ADAMTS6: variants seen among roughly 807,000 people sequenced by gnomAD.
ADAMTS6 encodes ADAM metallopeptidase with thrombospondin type 1 motif 6, also known as A disintegrin and metalloproteinase with thrombospondin motifs 6.
ADAMTS6 carries 23 observed loss-of-function variants against 144.3 expected under a neutral mutation model. That is an observed-to-expected ratio of 0.16 (90% CI 0.11 to 0.23). ADAMTS6 has a LOEUF of 0.23. Among genes scored for constraint, ADAMTS6 ranks in the 10% least tolerant of loss-of-function variants. The pLI is 1.00. For missense variants in ADAMTS6, 999 were observed against 1,379.6 expected (o/e 0.72, Z 4.37); for synonymous variants, 444 against 457.5 (o/e 0.97, Z 0.38).
intron 7 of ADAMTS6, among the ~76,000 whole-genome samples, chr5:65,347,338 A>G (rs1352560131): frequency 1.3e-5 from 2 of 152,076 alleles, no homozygotes; most frequent in Non-Finnish European, 2.9e-5. Flanking sequence ...AGAGCCCAGA[A>G]ATAAATCTGT....
intron 3 of ADAMTS6, among the ~76,000 whole-genome samples, chr5:65,464,132 T>C (rs1000750201): frequency 3.3e-5 from 5 of 152,240 alleles, no homozygotes; most frequent in Non-Finnish European, 5.9e-5. Context: ...GATTTCAATA[T>C]CTTCTTACAT....
chr5:65,456,203 T>C (rs1044982487), intron 4 of ADAMTS6, among the ~76,000 whole-genome samples: 7 of 152,072 alleles, frequency 4.6e-5, no homozygotes, highest in Non-Finnish European at 1.0e-4. Flanking sequence ...ACTACTATCT[T>C]TCTTAGTCTA....
At chr5:65,158,644 C>A (rs1752568845) in intron 24 of ADAMTS6, among the ~76,000 whole-genome samples, 1 of 152,164 alleles carries the variant, frequency 6.6e-6, no homozygotes, top group East Asian at 1.9e-4. Context: ...AGTAGTATTG[C>A]AAATGTACTG....
chr5:65,268,637 T>C (rs928724793), intron 12 of ADAMTS6, among the ~76,000 whole-genome samples: 5 of 152,194 alleles, frequency 3.3e-5, no homozygotes, highest in Non-Finnish European at 7.3e-5. Flanking sequence ...TATTCAATCC[T>C]TGAATGGCTT....
At chr5:65,364,293 C>T (rs1205452510) in intron 7 of ADAMTS6, among the ~76,000 whole-genome samples, 2 of 152,154 alleles carry the variant, frequency 1.3e-5, no homozygotes, top group African/African-American at 2.4e-5. Context: ...AAAAGATTCT[C>T]TCTGGGAAAA....
At chr5:65,260,786 T>C in intron 13 of ADAMTS6, 123 bp from the exon 14 acceptor site, 2 of 643,754 alleles carry the variant, frequency 3.1e-6, no homozygotes, top group Non-Finnish European at 5.1e-6. Context: ...TGACATGTTT[T>C]AATTATTAAA....
At chr5:65,291,510 T>C (rs1343088820) in intron 10 of ADAMTS6, 40 bp from the exon 11 acceptor site, 22 of 1,555,480 alleles carry the variant, frequency 1.4e-5, no homozygotes, top group Non-Finnish European at 1.7e-5. Flanking sequence ...AGGTATTCTA[T>C]GGGCTATTTT....
chr5:65,323,835 T>C (rs1451633278), intron 9 of ADAMTS6, among the ~76,000 whole-genome samples: 1 of 152,228 alleles, frequency 6.6e-6, no homozygotes, highest in Non-Finnish European at 1.5e-5. Flanking sequence ...TGGTATCTCA[T>C]TGTGGTTTTG....
chr5:65,460,440 C>A (rs1012654012), intron 3 of ADAMTS6, 102 bp from the exon 4 acceptor site: 4 of 1,103,610 alleles, frequency 3.6e-6, no homozygotes, highest in Non-Finnish European at 5.1e-6. Flanking sequence ...TCTCCATTTA[C>A]AGGGTTAAAA....
At chr5:65,407,654 CA>C (rs990655637) in intron 7 of ADAMTS6, among the ~76,000 whole-genome samples, 2 of 151,924 alleles carry the variant, frequency 1.3e-5, no homozygotes, top group African/African-American at 4.8e-5. Flanking sequence ...CATGTCCCTA[CA>C]AAGGACATGA....
intron 7 of ADAMTS6, among the ~76,000 whole-genome samples, chr5:65,383,730 T>C (rs143367340): frequency 6.6e-6 from 1 of 152,214 alleles, no homozygotes; most frequent in African/African-American, 2.4e-5. Context: ...CCACTGGTCA[T>C]TGCCCTAGTG....
intron 13 of ADAMTS6, 126 bp downstream of exon 13, chr5:65,262,691 G>A: frequency 8.7e-7 from 1 of 1,153,174 alleles, no homozygotes. Context: ...TGTGCCTATG[G>A]CTTGTTCTGA....
intron 7 of ADAMTS6, among the ~76,000 whole-genome samples, chr5:65,446,249 TA>T (rs1457765417): frequency 6.6e-6 from 1 of 152,196 alleles, no homozygotes; most frequent in African/African-American, 2.4e-5. Context: ...ATAATCCTGA[TA>T]AACACATTAT....
chr5:65,326,076 C>A (rs777665907), intron 9 of ADAMTS6, among the ~76,000 whole-genome samples: 2 of 151,954 alleles, frequency 1.3e-5, no homozygotes, highest in Non-Finnish European at 2.9e-5. Flanking sequence ...GTCTCACATA[C>A]TTCAATATGC....
At chr5:65,210,769 G>T in intron 20 of ADAMTS6, 1 of 623,642 alleles carries the variant, frequency 1.6e-6, no homozygotes, top group Non-Finnish European at 3.0e-6. Context: ...GGAAGATGAA[G>T]ATGCTTACAA....
chr5:65,336,420 T>C (rs2150068751), intron 7 of ADAMTS6, among the ~76,000 whole-genome samples: 1 of 152,214 alleles, frequency 6.6e-6, no homozygotes, highest in African/African-American at 2.4e-5. Flanking sequence ...ATCTGTAGAT[T>C]GGCCAAAATA....
chr5:65,328,535 A>T (rs541931593), intron 9 of ADAMTS6, among the ~76,000 whole-genome samples: 638 of 30,778 alleles, frequency 0.021, 3 homozygotes, highest in Non-Finnish European at 0.029. Flanking sequence ...CTTTCCTGCT[A>T]AAAAAAAAAA....
At chr5:65,304,760 A>T (rs1741709575) in intron 9 of ADAMTS6, among the ~76,000 whole-genome samples, 1 of 152,168 alleles carries the variant, frequency 6.6e-6, no homozygotes, top group Non-Finnish European at 1.5e-5. Context: ...AACAGCAAAA[A>T]AAAATTAAGA....
intron 14 of ADAMTS6, among the ~76,000 whole-genome samples, chr5:65,253,323 T>C (rs2112553663): frequency 6.6e-6 from 1 of 152,336 alleles, no homozygotes; most frequent in Non-Finnish European, 1.5e-5. Context: ...CATTATCTTA[T>C]TTTTTTGAGC....
Sources: gnomAD v4.1 joint callset for allele counts (sites outside exome capture counted in the v4.1 genomes callset) on GRCh38, gnomAD v4.1.1 for gene constraint, MANE v1.5 for transcripts, NCBI Gene and HGNC (gene_info 2026-07-23, HGNC 2026-07-21) for gene names.